Variants in HIVEP3 observed in about 807,000 individuals in gnomAD.
HIVEP3 encodes the protein transcription factor HIVEP3.
Under a neutral mutation model 152.8 loss-of-function variants are expected in HIVEP3, and 49 were observed. That is an observed-to-expected ratio of 0.32 (90% CI 0.26 to 0.41). The LOEUF (loss-of-function observed/expected upper bound fraction) is 0.41, where lower values mean the gene tolerates loss of function less well. Among genes scored for constraint, HIVEP3 ranks in the 10% least tolerant of loss-of-function variants. The probability of loss-of-function intolerance (pLI) is 1.00; values close to 1 mark genes in which losing one functional copy is unlikely to be tolerated. For missense variants in HIVEP3, 2,790 were observed against 3,103.3 expected, an observed-to-expected ratio of 0.90 and a Z score of 2.40; for synonymous variants, 1,269 against 1,289.0, an observed-to-expected ratio of 0.98 and a Z score of 0.33.
chr1:41,700,216 CATG>C (rs1646340467), intron 2 of HIVEP3, among the ~76,000 whole-genome samples: 1 of 152,144 alleles, frequency 6.6e-6, no homozygotes, highest in African/African-American at 2.4e-5. Context: ...AGGATAATGC[CATG>C]ATTTGTTCAT....
At chr1:41,776,758 G>C (rs968941964) in intron 1 of HIVEP3, among the ~76,000 whole-genome samples, 2 of 152,230 alleles carry the variant, frequency 1.3e-5, no homozygotes, top group Non-Finnish European at 2.9e-5. Context: ...AGAGAAGGAA[G>C]TTCTGAAAAC....
chr1:41,632,533 G>A (rs189008229), intron 2 of HIVEP3, among the ~76,000 whole-genome samples: 2 of 152,220 alleles, frequency 1.3e-5, no homozygotes, highest in East Asian at 1.9e-4. Flanking sequence ...CACGCCTGGC[G>A]GATCACGGGT....
rs1436265934 is a variant in HIVEP3 at position 41,664,925 on chromosome 1, G to A, written c.-720-35978C>T. On this transcript the variant is annotated intron_variant, in intron 2 of 8. Coordinates refer to ENST00000372583, the MANE Select transcript of HIVEP3 (RefSeq NM_024503.5). This position sits in a 1 kb window ranked among gnomAD's most constrained non-coding sequence, Gnocchi z 4.4. ...AATGAGGTGGAGGGGAAGGATGAAG[G>A]AAAATGCAATTTGTCAAGCCCTTTC... Among the ~76,000 whole-genome samples the A allele has an allele frequency of 6.6e-6, 1 of 152,178 alleles. No individual in the cohort carries two copies. Among genetic ancestry groups the A allele is most frequent in the Non-Finnish European group, 1.5e-5 (1 of 68,034 alleles).
intron 3 of HIVEP3, among the ~76,000 whole-genome samples, chr1:41,587,621 T>C (rs968089395): frequency 2.0e-5 from 3 of 152,216 alleles, no homozygotes; most frequent in African/African-American, 4.8e-5. Context: ...TTTTGATCTC[T>C]TCTATGGAGA....
intron 1 of HIVEP3, among the ~76,000 whole-genome samples, chr1:41,755,001 C>T (rs113621182): frequency 0.015 from 2,307 of 152,094 alleles, 28 homozygotes; most frequent in Middle Eastern, 0.027. Context: ...AACACTGAAA[C>T]AATTTTGAAA....
intron 2 of HIVEP3, among the ~76,000 whole-genome samples, chr1:41,679,531 C>A (rs141620248): frequency 3.9e-5 from 6 of 152,318 alleles, no homozygotes; most frequent in Admixed American, 6.5e-5. Flanking sequence ...CAGTTGCATG[C>A]ATTTGGGGAG....
intron 1 of HIVEP3, among the ~76,000 whole-genome samples, chr1:41,960,371 G>A (rs1167402805): frequency 2.6e-5 from 4 of 152,132 alleles, no homozygotes; most frequent in Admixed American, 6.5e-5. Flanking sequence ...GTTCTTAATG[G>A]TACAAGCAGT....
intron 2 of HIVEP3, among the ~76,000 whole-genome samples, chr1:41,647,349 G>A (rs1323699905): frequency 2.0e-5 from 3 of 152,152 alleles, no homozygotes; most frequent in Non-Finnish European, 1.5e-5. Flanking sequence ...GGAGAGGGAG[G>A]CAGGCAGACA....
intron 3 of HIVEP3, among the ~76,000 whole-genome samples, chr1:41,620,752 T>G (rs1645035852): frequency 6.6e-6 from 1 of 152,012 alleles, no homozygotes; most frequent in Non-Finnish European, 1.5e-5. Flanking sequence ...TAAACTCCAC[T>G]CTCCTTTGTC....
intron 3 of HIVEP3, among the ~76,000 whole-genome samples, chr1:41,604,186 G>C (rs1644785125): frequency 6.6e-6 from 1 of 152,152 alleles, no homozygotes; most frequent in Non-Finnish European, 1.5e-5. Flanking sequence ...ATATCCTATA[G>C]AAATGCCTAT....
intron 1 of HIVEP3, among the ~76,000 whole-genome samples, chr1:41,701,314 T>C (rs1646358779): frequency 6.6e-6 from 1 of 152,256 alleles, no homozygotes; most frequent in Non-Finnish European, 1.5e-5. Flanking sequence ...AAACACCCTT[T>C]GTGGGTTCCC....
chr1:41,774,859 G>C (rs1648596064), intron 1 of HIVEP3, among the ~76,000 whole-genome samples: 1 of 151,782 alleles, frequency 6.6e-6, no homozygotes. Context: ...GCAGTGGCAT[G>C]ACCTTGGCTC....
chr1:41,607,518 C>A (rs1644838090), intron 3 of HIVEP3, among the ~76,000 whole-genome samples: 1 of 151,744 alleles, frequency 6.6e-6, no homozygotes, highest in Non-Finnish European at 1.5e-5. Flanking sequence ...CTCTTACTTA[C>A]TGTTAAGGAT....
At chr1:41,682,118 T>C (rs1347894930) in intron 2 of HIVEP3, among the ~76,000 whole-genome samples, 2 of 152,086 alleles carry the variant, frequency 1.3e-5, no homozygotes, top group African/African-American at 4.8e-5. Context: ...TCTCTCTCTC[T>C]CTCATACGCA....
At chr1:41,603,319 C>T (rs542925989) in intron 3 of HIVEP3, among the ~76,000 whole-genome samples, 14 of 151,668 alleles carry the variant, frequency 9.2e-5, no homozygotes, top group African/African-American at 2.4e-4. Context: ...CCACCCACCT[C>T]GGCCTCCCAA....
intron 2 of HIVEP3, among the ~76,000 whole-genome samples, chr1:41,665,022 A>G (rs1645773202): frequency 6.6e-6 from 1 of 152,170 alleles, no homozygotes; most frequent in African/African-American, 2.4e-5. Context: ...AGCGGTAGTC[A>G]TTCCCCAGGC....
At chr1:41,614,052 G>A (rs116211577) in intron 3 of HIVEP3, among the ~76,000 whole-genome samples, 4,404 of 152,324 alleles carry the variant, frequency 0.029, 210 homozygotes, top group African/African-American at 0.1. Context: ...GCAGGTTGGA[G>A]CTGGCCGCTC....
At chr1:41,763,705 T>C (rs367729947) in intron 1 of HIVEP3, among the ~76,000 whole-genome samples, 1 of 152,368 alleles carries the variant, frequency 6.6e-6, no homozygotes, top group African/African-American at 2.4e-5. Flanking sequence ...TTCTCAAAAA[T>C]ACTTTTACTG....
At chr1:41,642,591 C>T (rs1285077457) in intron 2 of HIVEP3, among the ~76,000 whole-genome samples, 2 of 152,194 alleles carry the variant, frequency 1.3e-5, no homozygotes, top group Admixed American at 1.3e-4. Flanking sequence ...ATAATACATA[C>T]AAATGTGTGT....
Sources: allele counts gnomAD v4.1 joint callset (sites outside exome capture counted in the v4.1 genomes callset), GRCh38; gene constraint gnomAD v4.1.1; non-coding constraint Gnocchi (gnomAD v3.1); transcripts MANE v1.5; gene names NCBI Gene and HGNC (gene_info 2026-07-23, HGNC 2026-07-21).